GRIN2A: variants seen among roughly 807,000 people sequenced by gnomAD.
GRIN2A encodes the protein glutamate ionotropic receptor NMDA type subunit 2A, also known as glutamate receptor ionotropic, NMDA 2A.
A neutral mutation model predicts 113.4 loss-of-function variants in GRIN2A; 22 were observed. That is an observed-to-expected ratio of 0.19 (90% CI 0.14 to 0.28). GRIN2A has a LOEUF of 0.28. GRIN2A is among the 10% of genes least tolerant of loss of function. The pLI is 1.00. For synonymous variants in GRIN2A, 827 were observed against 738.4 expected, an observed-to-expected ratio of 1.12 and a Z score of -1.94; for missense variants, 1,502 against 1,887.0, an observed-to-expected ratio of 0.80 and a Z score of 3.78.
At position 9,792,421 on chromosome 16, in the gene GRIN2A, G is replaced by A. The variant is rs1029815385; in HGVS notation, c.2356+5856C>T. On this transcript the variant is annotated intron_variant, in intron 11 of 12. Coordinates refer to ENST00000330684, the MANE Select transcript of GRIN2A (RefSeq NM_001134407.3). Reference sequence around the variant, plus strand: ...AATTTTTTTGTAGAGATGGGTTTTTGCTATGTTGCCTGGGCTGATCTTGAC... The same window carrying A: ...AATTTTTTTGTAGAGATGGGTTTTTACTATGTTGCCTGGGCTGATCTTGAC... Among the ~76,000 whole-genome samples the A allele has an allele frequency of 4.6e-5, 7 of 152,088 alleles. 1 individual carries two copies. In the East Asian group the frequency reaches 1.2e-3, roughly 25 times the overall value.
At chr16:10,005,170 G>C (rs962388242) in intron 2 of GRIN2A, among the ~76,000 whole-genome samples, 1 of 152,124 alleles carries the variant, frequency 6.6e-6, no homozygotes, top group African/African-American at 2.4e-5. Flanking sequence ...CTAGCAACAT[G>C]CATCAAAGTA....
intron 10 of GRIN2A, among the ~76,000 whole-genome samples, chr16:9,799,979 T>G (rs1372031724): frequency 6.6e-6 from 1 of 151,666 alleles, no homozygotes. Context: ...ATTATTATTA[T>G]TATTATTATT....
At chr16:9,823,467 A>G (rs2042327339) in intron 9 of GRIN2A, among the ~76,000 whole-genome samples, 1 of 152,242 alleles carries the variant, frequency 6.6e-6, no homozygotes. Flanking sequence ...GACCAGAGAA[A>G]GCATTCAAAA....
chr16:9,792,457 C>G (rs1382034596), intron 11 of GRIN2A, among the ~76,000 whole-genome samples: 5 of 152,092 alleles, frequency 3.3e-5, no homozygotes, highest in African/African-American at 4.8e-5. Flanking sequence ...CTCCTGGATT[C>G]AAGCAAACCT....
intron 7 of GRIN2A, 69 bp downstream of exon 7, chr16:9,840,578 T>G: frequency 7.1e-7 from 1 of 1,418,394 alleles, no homozygotes; most frequent in Non-Finnish European, 1.0e-6. Context: ...TCTGGTCCCA[T>G]CCTCTGAGCA....
At chr16:9,814,578 C>G (rs2042150891) in intron 10 of GRIN2A, among the ~76,000 whole-genome samples, 1 of 152,188 alleles carries the variant, frequency 6.6e-6, no homozygotes, top group African/African-American at 2.4e-5. Context: ...TGCCACATCT[C>G]CACCCATCCT....
intron 2 of GRIN2A, among the ~76,000 whole-genome samples, chr16:10,133,222 T>A (rs1010839063): frequency 1.3e-5 from 2 of 152,248 alleles, no homozygotes; most frequent in African/African-American, 4.8e-5. Context: ...GAGGTCGTAG[T>A]TCTGCCTGCC....
Position 10,010,415 on chromosome 16 carries a change from G to C in GRIN2A, c.415-71864C>G, listed in dbSNP as rs901775412. Among the ~76,000 whole-genome samples, 3 of 152,072 alleles carry C rather than the reference G, an allele frequency of 2.0e-5. No homozygotes were observed. The South Asian group carries it at 6.2e-4, about 32-fold the overall frequency. On this transcript the variant is annotated intron_variant, in intron 2 of 12. Transcript: ENST00000330684. ...GAAATAATCTTTACTACAAACCCTT[G>C]GGATATCAGTTTACCTGTATAACAA...
At chr16:9,964,326 C>T (rs2045508166) in intron 2 of GRIN2A, among the ~76,000 whole-genome samples, 1 of 152,232 alleles carries the variant, frequency 6.6e-6, no homozygotes, top group Admixed American at 6.5e-5. Context: ...TGCACAATTA[C>T]TCAGCCTTGA....
intron 2 of GRIN2A, among the ~76,000 whole-genome samples, chr16:10,146,466 T>C (rs1481764811): frequency 6.6e-6 from 1 of 152,000 alleles, no homozygotes; most frequent in Non-Finnish European, 1.5e-5. Context: ...CAGAGGGTGG[T>C]ACAAGGGGAG....
rs752992319 is a variant in GRIN2A, at chr16:9,764,764, C to G, written c.2780G>C (p.Arg927Thr). The G allele has an allele frequency of 3.4e-5, 55 of 1,614,102 alleles. No individual in the cohort carries two copies. The highest frequency in any genetic ancestry group is 4.6e-5 in the Non-Finnish European group (54 of 1,180,014). Residue 927 changes from arginine to threonine, a missense_variant, in exon 13 of 13, where the codon AGA (arginine) becomes ACA (threonine). Coordinates refer to ENST00000330684, the MANE Select transcript of GRIN2A (RefSeq NM_001134407.3). ...AACCATGTCCATGATGAGGGAACCT[C>G]TTTGGATGAAGTCAGCAGCTCTTTT... ...SPKRAADFIQRGSLIMDMVSD... is the reference protein window; with the variant it reads ...SPKRAADFIQTGSLIMDMVSD...
intron 2 of GRIN2A, among the ~76,000 whole-genome samples, chr16:10,068,638 G>T (rs61422458): frequency 6.6e-6 from 1 of 152,152 alleles, no homozygotes; most frequent in East Asian, 1.9e-4. Context: ...ACAATTCAAC[G>T]TAAGATTTGG....
intron 2 of GRIN2A, among the ~76,000 whole-genome samples, chr16:10,153,386 C>A (rs375234326): frequency 6.6e-6 from 1 of 152,070 alleles, no homozygotes; most frequent in Non-Finnish European, 1.5e-5. Flanking sequence ...GCTGGGGGGA[C>A]TCTACGAAGG....
intron 2 of GRIN2A, among the ~76,000 whole-genome samples, chr16:10,043,131 T>A (rs11074548): frequency 3.9e-5 from 6 of 152,094 alleles, no homozygotes; most frequent in African/African-American, 1.4e-4. Flanking sequence ...TTACATTTGG[T>A]AGTATCTTAG....
chr16:9,825,406 A>C (rs532695562), intron 9 of GRIN2A, among the ~76,000 whole-genome samples: 1 of 152,144 alleles, frequency 6.6e-6, no homozygotes, highest in South Asian at 2.1e-4. Flanking sequence ...ACAGAGGATT[A>C]TTTTCTAATT....
At chr16:10,006,687 G>A (rs2046409807) in intron 2 of GRIN2A, among the ~76,000 whole-genome samples, 1 of 151,970 alleles carries the variant, frequency 6.6e-6, no homozygotes, top group African/African-American at 2.4e-5. Context: ...GCTGACTACA[G>A]TCACCCTGTT....
intron 2 of GRIN2A, among the ~76,000 whole-genome samples, chr16:10,087,709 G>A (rs2048109106): frequency 1.3e-5 from 2 of 152,046 alleles, no homozygotes; most frequent in Admixed American, 1.3e-4. Context: ...CAGGGTTGGG[G>A]AACAGGGTCT....
intron 2 of GRIN2A, among the ~76,000 whole-genome samples, chr16:10,079,607 T>C (rs143368586): frequency 4.6e-5 from 7 of 152,154 alleles, no homozygotes; most frequent in Non-Finnish European, 1.0e-4. Flanking sequence ...CCCCTTCCAT[T>C]ACCAATGAAG....
chr16:10,092,637 C>T (rs150823964), intron 2 of GRIN2A, among the ~76,000 whole-genome samples: 8 of 152,272 alleles, frequency 5.3e-5, no homozygotes, highest in African/African-American at 1.7e-4. Flanking sequence ...CTCATAACAA[C>T]TCTATGAGGT....
Sources: allele counts gnomAD v4.1 joint callset (sites outside exome capture counted in the v4.1 genomes callset), GRCh38; gene constraint gnomAD v4.1.1; transcripts MANE v1.5; gene names NCBI Gene and HGNC (gene_info 2026-07-23, HGNC 2026-07-21).